Variants in CCDC102B observed in about 807,000 individuals in gnomAD.
CCDC102B encodes the protein coiled-coil domain-containing protein 102B.
In CCDC102B, 75 loss-of-function variants were observed where a neutral mutation model predicts 57.4. The ratio of observed to expected loss-of-function variants is 1.31; its 90% confidence interval spans 1.08 to 1.58. The LOEUF is 1.58. Ranked by LOEUF, CCDC102B falls within the 40% of genes most tolerant of loss-of-function variation. CCDC102B has a pLI of 0.00. For synonymous variants in CCDC102B, 206 were observed against 201.9 expected (o/e 1.02, Z -0.17); for missense variants, 636 against 582.6 (o/e 1.09, Z -0.94).
At chr18:69,053,900 TG>T in intron 7 of CCDC102B, 129 bp from the exon 8 acceptor site, 1 of 655,022 alleles carries the variant, frequency 1.5e-6, no homozygotes, top group Non-Finnish European at 2.5e-6. Flanking sequence ...TATAGTTTTG[TG>T]GTGAGAATAC....
intron 2 of CCDC102B, among the ~76,000 whole-genome samples, chr18:68,838,108 T>C (rs1053239254): frequency 6.6e-6 from 1 of 152,178 alleles, no homozygotes; most frequent in African/African-American, 2.4e-5. Context: ...ACCAATAGCA[T>C]GAGTCCTGTG....
chr18:68,945,272 A>G (rs2049506091), intron 6 of CCDC102B, among the ~76,000 whole-genome samples: 1 of 152,146 alleles, frequency 6.6e-6, no homozygotes, highest in South Asian at 2.1e-4. Flanking sequence ...TAATGAAAAG[A>G]CACTCAGTAA....
At chr18:68,796,851 G>GCA (rs1568255129), upstream of CCDC102B, among the ~76,000 whole-genome samples, 6 of 151,684 alleles carry the variant, frequency 4.0e-5, no homozygotes, top group Non-Finnish European at 5.9e-5. Context: ...GCATGTGTGT[G>GCA]TGTGTGTGTG....
chr18:69,035,486 A>C lies in CCDC102B; in HGVS notation c.1435-18544A>C, dbSNP rs2052265112. Among the ~76,000 whole-genome samples the C allele has an allele frequency of 2.0e-5, 3 of 152,072 alleles. No homozygotes were observed. The South Asian group carries it at 6.2e-4, about 31-fold the overall frequency. ...TTTTTGGATTCACAAAATTACGATA[A>C]TCTAATAGTTTCCATATAGGCAGTA... On this transcript the variant is annotated intron_variant, in intron 7 of 7. Coordinates refer to ENST00000360242, the MANE Select transcript of CCDC102B (RefSeq NM_024781.3).
chr18:69,017,880 A>G (rs748376158), intron 7 of CCDC102B, among the ~76,000 whole-genome samples: 30 of 152,186 alleles, frequency 2.0e-4, no homozygotes, highest in Non-Finnish European at 3.8e-4. Flanking sequence ...TATGAACAGG[A>G]TCACACTGCA....
intron 7 of CCDC102B, among the ~76,000 whole-genome samples, chr18:69,012,404 G>A (rs1262344067): frequency 6.6e-6 from 1 of 152,092 alleles, no homozygotes; most frequent in Non-Finnish European, 1.5e-5. Context: ...TGAAGTGCTA[G>A]TCTCCGAAGA....
chr18:69,036,560 T>G (rs1381842232), intron 7 of CCDC102B, among the ~76,000 whole-genome samples: 1 of 151,790 alleles, frequency 6.6e-6, no homozygotes, highest in Non-Finnish European at 1.5e-5. Context: ...GCAATGACTT[T>G]TAACAACAGT....
chr18:68,849,917 C>G (rs2038048040), intron 4 of CCDC102B, among the ~76,000 whole-genome samples: 2 of 152,098 alleles, frequency 1.3e-5, no homozygotes, highest in Admixed American at 1.3e-4. Context: ...CAGAGGTTCA[C>G]TCAGCTGGAC....
chr18:68,834,307 G>A (rs923111412), intron 1 of CCDC102B, among the ~76,000 whole-genome samples: 2 of 151,726 alleles, frequency 1.3e-5, no homozygotes, highest in African/African-American at 4.8e-5. Flanking sequence ...TTGAAAACTA[G>A]CAAGGATAAA....
At chr18:68,923,389 T>C (rs1310519161) in intron 6 of CCDC102B, among the ~76,000 whole-genome samples, 1 of 151,880 alleles carries the variant, frequency 6.6e-6, no homozygotes, top group Non-Finnish European at 1.5e-5. Flanking sequence ...CTATGCAAAC[T>C]ATACAGTGTG....
At chr18:68,846,133 A>C (rs997331306) in intron 3 of CCDC102B, among the ~76,000 whole-genome samples, 180 bp from the exon 4 acceptor site, 1 of 151,876 alleles carries the variant, frequency 6.6e-6, no homozygotes, top group African/African-American at 2.4e-5. Context: ...CAGAATAATA[A>C]ACTAAAATAC....
intron 6 of CCDC102B, among the ~76,000 whole-genome samples, chr18:68,965,232 C>A (rs573519238): frequency 3.8e-4 from 57 of 151,524 alleles, no homozygotes; most frequent in African/African-American, 1.4e-3. Flanking sequence ...CTCAGGAAGT[C>A]TGTTCATTTC....
At chr18:68,945,667 T>C (rs1039458280) in intron 6 of CCDC102B, among the ~76,000 whole-genome samples, 2 of 152,102 alleles carry the variant, frequency 1.3e-5, no homozygotes, top group Non-Finnish European at 2.9e-5. Context: ...ACATAAATGT[T>C]GTGGAAGAAT....
rs185382852 is a variant in CCDC102B, at chr18:68,976,897, A to G, written c.1264-34037A>G. On this transcript the variant is annotated intron_variant, in intron 6 of 7. Coordinates refer to ENST00000360242, the MANE Select transcript of CCDC102B (RefSeq NM_024781.3). Reference sequence around the variant, plus strand: ...TTTCATTATGATCCACATGATTTGGATAATATTATATTTTTGCTAATTAAT... The same window carrying G: ...TTTCATTATGATCCACATGATTTGGGTAATATTATATTTTTGCTAATTAAT... Among the ~76,000 whole-genome samples, 75 of 152,060 alleles carry G rather than the reference A, an allele frequency of 4.9e-4. 1 individual carries two copies. Among genetic ancestry groups the G allele is most frequent in the Admixed American group, 4.6e-4 (7 of 15,230 alleles).
chr18:68,884,631 A>G (rs1302330897), intron 5 of CCDC102B, among the ~76,000 whole-genome samples: 1 of 151,090 alleles, frequency 6.6e-6, no homozygotes, highest in African/African-American at 2.4e-5. Flanking sequence ...TCTCCATCAT[A>G]TATACATATA....
intron 6 of CCDC102B, among the ~76,000 whole-genome samples, chr18:68,953,268 C>T (rs2049750000): frequency 6.6e-6 from 1 of 151,412 alleles, no homozygotes; most frequent in Non-Finnish European, 1.5e-5. Flanking sequence ...AACCTATGTA[C>T]AGTTTTTTAT....
At chr18:68,816,821 A>G (rs2036503853) in intron 1 of CCDC102B, among the ~76,000 whole-genome samples, 1 of 152,172 alleles carries the variant, frequency 6.6e-6, no homozygotes. Context: ...TTAAAGAGCT[A>G]TTGACTATTT....
intron 7 of CCDC102B, among the ~76,000 whole-genome samples, chr18:69,035,828 G>A (rs908103599): frequency 6.6e-6 from 1 of 152,110 alleles, no homozygotes; most frequent in South Asian, 2.1e-4. Context: ...TCTTGTAAAG[G>A]TTCTGCATTG....
chr18:68,921,142 G>T (rs148362060), intron 6 of CCDC102B, among the ~76,000 whole-genome samples: 57 of 152,208 alleles, frequency 3.7e-4, no homozygotes, highest in African/African-American at 1.3e-3. Flanking sequence ...AACGTTTAAG[G>T]CCTCTTCCAA....
Sources: allele counts gnomAD v4.1 joint callset (sites outside exome capture counted in the v4.1 genomes callset), GRCh38; gene constraint gnomAD v4.1.1; transcripts MANE v1.5; gene names NCBI Gene and HGNC (gene_info 2026-07-23, HGNC 2026-07-21).